PALS2: variants seen among roughly 807,000 people sequenced by gnomAD.
PALS2 encodes the protein protein PALS2.
PALS2 carries 27 observed loss-of-function variants against 61.6 expected under a neutral mutation model. That is an observed-to-expected ratio of 0.44 (90% confidence interval 0.32 to 0.60). The LOEUF (loss-of-function observed/expected upper bound fraction) is 0.60, where lower values mean the gene tolerates loss of function less well. PALS2 is among the 20% of genes least tolerant of loss of function. PALS2 has a pLI of 0.05. For missense variants in PALS2, 554 were observed against 639.4 expected (o/e 0.87, Z 1.44); for synonymous variants, 236 against 218.6 (o/e 1.08, Z -0.70).
chr7:24,639,199 ATAAT>A (rs1483506792), intron 2 of PALS2, among the ~76,000 whole-genome samples: 3 of 152,228 alleles, frequency 2.0e-5, no homozygotes, highest in Non-Finnish European at 4.4e-5. Flanking sequence ...ATTGGATTGA[ATAAT>A]TAACTGCAAT....
chr7:24,680,546 C>A, intron 11 of PALS2, 26 bp downstream of exon 11: 1 of 1,594,724 alleles, frequency 6.3e-7, no homozygotes, highest in Non-Finnish European at 8.5e-7. Context: ...GATTTTCCTT[C>A]TAAAATCTTT....
At chr7:24,671,762 T>C (rs1787308500) in intron 9 of PALS2, among the ~76,000 whole-genome samples, 1 of 152,132 alleles carries the variant, frequency 6.6e-6, no homozygotes, top group African/African-American at 2.4e-5. Context: ...CTTGCACTTA[T>C]CCAGTTGTCA....
chr7:24,637,364 G>T (rs767316307), intron 2 of PALS2, among the ~76,000 whole-genome samples: 11 of 132,534 alleles, frequency 8.3e-5, no homozygotes, highest in Non-Finnish European at 1.7e-4. Context: ...AAACAAAATA[G>T]AAATTGAGTT....
At chr7:24,671,909 C>T (rs1481398633) in intron 9 of PALS2, among the ~76,000 whole-genome samples, 3 of 151,760 alleles carry the variant, frequency 2.0e-5, no homozygotes, top group African/African-American at 7.3e-5. Context: ...GATGTCTGTC[C>T]TTATGCCAGT....
Position 24,592,187 on chromosome 7 carries a change from TA to T in PALS2, c.-3+18595del, listed in dbSNP as rs539579117. On this transcript the variant is annotated intron_variant, in intron 1 of 11. Coordinates refer to ENST00000222644, the MANE Select transcript of PALS2 (RefSeq NM_001303037.2). ...CGATTATTGGATTAAAAGTAAATTT[TA>T]GCAAGTAGGCAAATTCGCAAACACA... Among the ~76,000 whole-genome samples, 17 of 152,242 alleles carry T rather than the reference TA, an allele frequency of 1.1e-4. No homozygotes were observed. The East Asian group carries it at 3.3e-3, about 29-fold the overall frequency.
chr7:24,644,396 A>G (rs1487396441), intron 3 of PALS2, among the ~76,000 whole-genome samples: 1 of 152,102 alleles, frequency 6.6e-6, no homozygotes, highest in African/African-American at 2.4e-5. Context: ...GCTAAGGATA[A>G]TAGCCTCCAG....
intron 8 of PALS2, among the ~76,000 whole-genome samples, chr7:24,667,614 A>G (rs982180034): frequency 2.0e-5 from 3 of 151,714 alleles, no homozygotes; most frequent in African/African-American, 7.3e-5. Context: ...AATCTCTGAT[A>G]AGTAAGGATA....
chr7:24,654,147 T>C (rs1182339777), intron 5 of PALS2, among the ~76,000 whole-genome samples: 1 of 152,054 alleles, frequency 6.6e-6, no homozygotes, highest in Admixed American at 6.6e-5. Context: ...TTATATACAG[T>C]TATTTATTGG....
chr7:24,652,722 C>A (rs1351406453), intron 5 of PALS2, among the ~76,000 whole-genome samples: 1 of 152,136 alleles, frequency 6.6e-6, no homozygotes, highest in Non-Finnish European at 1.5e-5. Flanking sequence ...GTCTTCAACT[C>A]TTTCACTAAA....
chr7:24,611,920 A>G (rs947271685), intron 1 of PALS2, among the ~76,000 whole-genome samples: 1 of 151,972 alleles, frequency 6.6e-6, no homozygotes, highest in Admixed American at 6.6e-5. Flanking sequence ...TGTAGATACC[A>G]GGCTGTTGGG....
chr7:24,613,290 A>AT (rs1426432059), intron 1 of PALS2, among the ~76,000 whole-genome samples: 2 of 151,430 alleles, frequency 1.3e-5, no homozygotes, highest in Non-Finnish European at 3.0e-5. Context: ...GATCTATTTC[A>AT]TTTTTTACTT....
In PALS2 at chr7:24,659,989, G is replaced by T. The variant is rs187615999; in HGVS notation, c.652-3601G>T. On this transcript the variant is annotated intron_variant, in intron 5 of 11. Coordinates refer to ENST00000222644, the MANE Select transcript of PALS2 (RefSeq NM_001303037.2). ...TCAGGCTTCACCTTTCTCCCTTCCTGATTTGCAGCCTGGAAACCCTCTCTG... is the reference window on the plus strand; with the variant it reads ...TCAGGCTTCACCTTTCTCCCTTCCTTATTTGCAGCCTGGAAACCCTCTCTG... Among the ~76,000 whole-genome samples, 13 of 152,202 alleles carry T rather than the reference G, an allele frequency of 8.5e-5. No individual in the cohort carries two copies. The East Asian group carries it at 2.5e-3, about 29-fold the overall frequency.
rs558772600 is a variant in PALS2, at chr7:24,661,781, C to T, written c.652-1809C>T. 6.6e-5 allele frequency among the ~76,000 whole-genome samples: 10 copies of T among 152,180 alleles called. No homozygotes were observed. The South Asian group carries it at 8.3e-4, about 13-fold the overall frequency. On this transcript the variant is annotated intron_variant, in intron 5 of 11. Transcript: ENST00000222644. ...TGGTCTAGTAGTTTGTTTATATTTT[C>T]TTAATTTATTATAAATTAAAAGTCT...
At chr7:24,604,219 G>GAAAAAAAAAAAAAAAAAA (rs58169190) in intron 1 of PALS2, among the ~76,000 whole-genome samples, 2 of 86,100 alleles carry the variant, frequency 2.3e-5, no homozygotes, top group African/African-American at 6.8e-5. Context: ...TTCAAGAAAA[G>GAAAAAAAAAAAAAAAAAA]AAAAAAAAAA....
intron 1 of PALS2, among the ~76,000 whole-genome samples, chr7:24,577,918 G>A (rs555316397): frequency 1.3e-5 from 2 of 151,978 alleles, no homozygotes; most frequent in Middle Eastern, 3.4e-3. Flanking sequence ...TATAAGCCCC[G>A]TGATATCAAT....
chr7:24,668,092 C>G (rs114065157), intron 8 of PALS2, among the ~76,000 whole-genome samples: 9,591 of 151,684 alleles, frequency 0.063, 352 homozygotes, highest in African/African-American at 0.093. Flanking sequence ...ACTGAGGCAG[C>G]AGGATCATTT....
intron 1 of PALS2, among the ~76,000 whole-genome samples, chr7:24,593,320 C>G (rs1583844122): frequency 6.6e-6 from 1 of 152,104 alleles, no homozygotes; most frequent in East Asian, 1.9e-4. Flanking sequence ...CCACTGAAGT[C>G]TTGAATCCCT....
intron 6 of PALS2, among the ~76,000 whole-genome samples, chr7:24,664,588 C>T (rs1224431955): frequency 6.6e-6 from 1 of 152,094 alleles, no homozygotes; most frequent in Non-Finnish European, 1.5e-5. Flanking sequence ...TATAGATCTA[C>T]TTCTAAGGAG....
In PALS2 at chr7:24,614,721, A is replaced by G. The variant is rs187175559; in HGVS notation, c.-2-8945A>G. Among the ~76,000 whole-genome samples, 462 of 152,130 alleles carry G rather than the reference A, an allele frequency of 3.0e-3. 1 individual carries two copies. The highest frequency in any genetic ancestry group is 8.0e-3 in the Admixed American group (122 of 15,288). ...CGAGATACCAGATTTAAACTGCACCATAGGCCAAATAGACCTAACAGACAT... is the reference window on the plus strand; with the variant it reads ...CGAGATACCAGATTTAAACTGCACCGTAGGCCAAATAGACCTAACAGACAT... On this transcript the variant is annotated intron_variant, in intron 1 of 11. Coordinates refer to ENST00000222644, the MANE Select transcript of PALS2 (RefSeq NM_001303037.2).
Sources: gnomAD v4.1 joint callset for allele counts (sites outside exome capture counted in the v4.1 genomes callset) on GRCh38, gnomAD v4.1.1 for gene constraint, MANE v1.5 for transcripts, NCBI Gene and HGNC (gene_info 2026-07-23, HGNC 2026-07-21) for gene names.